Variants in VCAM1 observed in about 807,000 individuals in gnomAD.
VCAM1 encodes the protein vascular cell adhesion protein 1.
VCAM1 carries 41 observed loss-of-function variants against 63.8 expected under a neutral mutation model. The observed-to-expected ratio is 0.64, with a 90% confidence interval of 0.50 to 0.83. The LOEUF (loss-of-function observed/expected upper bound fraction) is 0.83, where lower values mean the gene tolerates loss of function less well. Ranked by LOEUF, VCAM1 falls within the 40% of genes least tolerant of loss-of-function variation. The probability of loss-of-function intolerance (pLI) is 0.00; values close to 1 mark genes in which losing one functional copy is unlikely to be tolerated. For synonymous variants in VCAM1, 338 were observed against 320.7 expected (o/e 1.05, Z -0.58); for missense variants, 798 against 875.5 (o/e 0.91, Z 1.12).
At position 100,734,516 on chromosome 1, in the gene VCAM1, A is replaced by G; in HGVS notation, c.1807A>G (p.Ile603Val). 4 of 1,612,892 alleles carry G rather than the reference A, an allele frequency of 2.5e-6. No individual in the cohort carries two copies. Among genetic ancestry groups the G allele is most frequent in the Middle Eastern group, 1.7e-4 (1 of 6,052 alleles). ...ELIIQVTPKDIKLTAFPSESV... is the reference protein window; with the variant it reads ...ELIIQVTPKDVKLTAFPSESV... ...TCTCTTTACAGTTACTCCAAAAGAC[A>G]TAAAACTTACAGCTTTTCCTTCTGA... Residue 603 changes from isoleucine to valine, a missense_variant, in exon 8 of 9, where the codon ATA becomes GTA. Coordinates refer to ENST00000294728, the MANE Select transcript of VCAM1 (RefSeq NM_001078.4).
chr1:100,736,358 C>G (rs1660649382), intron 8 of VCAM1: 1 of 152,144 alleles, frequency 6.6e-6, no homozygotes, highest in Non-Finnish European at 1.5e-5. Flanking sequence ...GTATTTTGAA[C>G]TAGATTTCTT....
In VCAM1 at chr1:100,732,408, G is replaced by A. The variant is rs769685191; in HGVS notation, c.1526-10G>A. 6.5e-7 allele frequency: 1 copy of A among 1,540,886 alleles called. No individual in the cohort carries two copies. The highest frequency in any genetic ancestry group is 8.7e-7 in the Non-Finnish European group (1 of 1,146,836). On this transcript the variant is annotated splice_polypyrimidine_tract_variant and intron_variant, in intron 6 of 8. Transcript: ENST00000294728. Reference sequence around the variant, plus strand: ...ATAGGTCAAGCTAACAAGCGTCTCTGCCTTTTCAGTTGCCCCCAGAGATAC... The same window carrying A: ...ATAGGTCAAGCTAACAAGCGTCTCTACCTTTTCAGTTGCCCCCAGAGATAC...
rs760443041 is a variant in VCAM1, at chr1:100,731,452, T to C, written c.1459T>C (p.Leu487=). The change falls in exon 6 of 9, where the codon TTA becomes CTA. Residue 487 remains leucine (L), a synonymous_variant. Transcript: ENST00000294728. This position sits in a 1 kb window ranked among gnomAD's most constrained non-coding sequence, Gnocchi z 4.2. Reference sequence around the variant, plus strand: ...AAAAGCTCTTGTTTGTCAGGCTAAGTTACATATTGATGACATGGAATTCGA... The same window carrying C: ...AAAAGCTCTTGTTTGTCAGGCTAAGCTACATATTGATGACATGGAATTCGA... ...TGKALVCQAK[L]HIDDMEFEPK... is the part of the protein sequence containing the mutation. 21 of 1,613,722 alleles carry C rather than the reference T, an allele frequency of 1.3e-5. No homozygotes were observed. The South Asian group carries it at 2.3e-4, about 18-fold the overall frequency.
At chr1:100,727,550 A>G (rs1426058464) in intron 4 of VCAM1, among the ~76,000 whole-genome samples, 1 of 152,032 alleles carries the variant, frequency 6.6e-6, no homozygotes, top group Non-Finnish European at 1.5e-5. Context: ...GGCTGGGGAG[A>G]GTTGTTTTGC....
rs3783609 is a variant in VCAM1, at chr1:100,719,807, G to A, written c.-54G>A. On this transcript the variant is annotated 5_prime_UTR_variant, in exon 1 of 9. Coordinates refer to ENST00000294728, the MANE Select transcript of VCAM1 (RefSeq NM_001078.4). ...TACCCTCCCAGGCACACACAGGTGG[G>A]ACACAAATAAGGGTTTTGGAACCAC... 7,419 of 1,587,332 alleles carry A rather than the reference G, an allele frequency of 4.7e-3. 298 individuals are homozygous for A. The African/African-American group carries it at 0.091, about 19-fold the overall frequency.
Position 100,719,942 on chromosome 1 carries a change from A to C in VCAM1, c.64+18A>C. On this transcript the variant is annotated intron_variant, in intron 1 of 8. Transcript: ENST00000294728. ...TGCAGCTTGTAAGTTATTTCCCTTCATCTGTTTCAAATGTTAGCATTCAAT... is the reference window on the plus strand; with the variant it reads ...TGCAGCTTGTAAGTTATTTCCCTTCCTCTGTTTCAAATGTTAGCATTCAAT... 1.2e-6 allele frequency: 2 copies of C among 1,605,310 alleles called. No individual in the cohort carries two copies. Among genetic ancestry groups the C allele is most frequent in the Middle Eastern group, 1.7e-4 (1 of 6,012 alleles).
chr1:100,732,338 C>T, intron 6 of VCAM1, 80 bp from the exon 7 acceptor site: 1 of 1,406,084 alleles, frequency 7.1e-7, no homozygotes, highest in Non-Finnish European at 9.5e-7. Context: ...GAATCCATAG[C>T]CCAGTTTTGC....
intron 1 of VCAM1, 139 bp downstream of exon 1, chr1:100,720,063 T>C: frequency 1.1e-6 from 1 of 891,048 alleles, no homozygotes; most frequent in Non-Finnish European, 1.7e-6. Context: ...TAGTCTAACT[T>C]TTAATATGCA....
In VCAM1 at chr1:100,731,450, A is replaced by C. The variant is rs1660452448; in HGVS notation, c.1457A>C (p.Lys486Thr). 6.2e-7 allele frequency: 1 copy of C among 1,613,650 alleles called. No individual in the cohort carries two copies. The highest frequency in any genetic ancestry group is 1.7e-5 in the Admixed American group (1 of 59,926). The change falls in exon 6 of 9, where the codon AAG (lysine) becomes ACG (threonine). Residue 486 changes from lysine (K) to threonine (T), a missense_variant. By Grantham distance (78) the Lys-to-Thr change is moderately conservative (BLOSUM62 -1). Transcript: ENST00000294728. This position sits in a 1 kb window ranked among gnomAD's most constrained non-coding sequence, Gnocchi z 4.2. ...GGAAAAGCTCTTGTTTGTCAGGCTAAGTTACATATTGATGACATGGAATTC... is the reference window on the plus strand; with the variant it reads ...GGAAAAGCTCTTGTTTGTCAGGCTACGTTACATATTGATGACATGGAATTC... ...DTGKALVCQAKLHIDDMEFEP... is the reference protein window; with the variant it reads ...DTGKALVCQATLHIDDMEFEP...
intron 7 of VCAM1, among the ~76,000 whole-genome samples, chr1:100,733,524 A>T (rs963236461): frequency 6.6e-6 from 1 of 152,172 alleles, no homozygotes; most frequent in Non-Finnish European, 1.5e-5. Flanking sequence ...CAAACAAAAA[A>T]ACCTTTTGGA....
chr1:100,731,329 A>G lies in VCAM1; in HGVS notation c.1336A>G (p.Ile446Val), dbSNP rs1014717309. ...LEIELLKGET[I>V]LENIEFLEDT... The stretch of plus-strand genomic sequence containing the variant: ...GATTGAATTACTTAAGGGGGAGACT[A>G]TTCTGGAGAATATAGAGTTTTTGGA... Residue 446 changes from isoleucine (I) to valine (V), a missense_variant, in exon 6 of 9, where the codon ATT becomes GTT. By Grantham distance (29) the Ile-to-Val change is conservative. Coordinates refer to ENST00000294728, the MANE Select transcript of VCAM1 (RefSeq NM_001078.4). This position sits in a 1 kb window ranked among gnomAD's most constrained non-coding sequence, Gnocchi z 4.2. 1.2e-6 allele frequency: 2 copies of G among 1,613,838 alleles called. No homozygotes were observed. The highest frequency in any genetic ancestry group is 1.7e-6 in the Non-Finnish European group (2 of 1,179,860).
rs1660581035 is a variant in VCAM1 at position 100,734,499 on chromosome 1, C to T, written c.1793-3C>T. 1 of 1,608,368 alleles carries T rather than the reference C, an allele frequency of 6.2e-7. No homozygotes were observed. Among genetic ancestry groups the T allele is most frequent in the Non-Finnish European group, 8.5e-7 (1 of 1,177,978 alleles). On this transcript the variant is annotated splice_polypyrimidine_tract_variant and splice_region_variant and intron_variant, in intron 7 of 8. Coordinates refer to ENST00000294728, the MANE Select transcript of VCAM1 (RefSeq NM_001078.4). ...AGGGATGTCTTTTAAATTCTCTTTA[C>T]AGTTACTCCAAAAGACATAAAACTT...
At chr1:100,736,330 A>C (rs967706703) in intron 8 of VCAM1, 2 of 152,198 alleles carry the variant, frequency 1.3e-5, no homozygotes, top group African/African-American at 4.8e-5. Context: ...GAAGACCAAA[A>C]AATGGATATT....
rs778901841 is a variant in VCAM1, at chr1:100,731,225, T to G, written c.1232T>G (p.Met411Arg). 6.2e-7 allele frequency: 1 copy of G among 1,607,758 alleles called. No individual in the cohort carries two copies. The highest frequency in any genetic ancestry group is 8.5e-7 in the Non-Finnish European group (1 of 1,177,274). The change falls in exon 6 of 9, where the codon ATG (methionine) becomes AGG (arginine). Residue 411 changes from methionine to arginine, a missense_variant. Physicochemically the swap from Met to Arg is moderately conservative, Grantham distance 91. Transcript: ENST00000294728. The surrounding 1 kb of genome is among the most constrained non-coding windows in gnomAD (Gnocchi z 4.2). Reference protein sequence around the residue: ...YSFPRDPEIEMSGGLVNGSSV... With the variant: ...YSFPRDPEIERSGGLVNGSSV... ...TTCCCTAGAGATCCAGAAATCGAGA[T>G]GAGTGGTGGCCTCGTGAATGGGAGC...
intron 4 of VCAM1, among the ~76,000 whole-genome samples, chr1:100,725,999 C>G (rs1206687606): frequency 6.6e-6 from 1 of 151,968 alleles, no homozygotes; most frequent in African/African-American, 2.4e-5. Context: ...ATCTAAACAA[C>G]TTACTCTCCT....
In VCAM1 at chr1:100,731,318, A is replaced by AG. The variant is rs1201534979; in HGVS notation, c.1330dup (p.Glu444GlyfsTer32). On this transcript the variant is annotated frameshift_variant, in exon 6 of 9. Coordinates refer to ENST00000294728, the MANE Select transcript of VCAM1 (RefSeq NM_001078.4). LOFTEE classifies it high-confidence loss of function. This position sits in a 1 kb window ranked among gnomAD's most constrained non-coding sequence, Gnocchi z 4.2. ...GACCGGCTGGAGATTGAATTACTTA[A>AG]GGGGGAGACTATTCTGGAGAATATA... The AG allele has an allele frequency of 2.5e-6, 4 of 1,613,702 alleles. No homozygotes were observed. The highest frequency in any genetic ancestry group is 2.5e-6 in the Non-Finnish European group (3 of 1,179,842).
chr1:100,733,194 T>C (rs1660524330), intron 7 of VCAM1, among the ~76,000 whole-genome samples: 1 of 152,176 alleles, frequency 6.6e-6, no homozygotes. Flanking sequence ...AGCACTAAAG[T>C]AGATTAAGTC....
intron 1 of VCAM1, 87 bp from the exon 2 acceptor site, chr1:100,720,389 A>G: frequency 1.3e-6 from 2 of 1,483,356 alleles, no homozygotes; most frequent in East Asian, 4.6e-5. Context: ...CAGTCTGATC[A>G]TATTTTAGAC....
chr1:100,735,917 G>A (rs1660632025), intron 8 of VCAM1: 2 of 152,114 alleles, frequency 1.3e-5, no homozygotes, highest in African/African-American at 2.4e-5. Context: ...ATGATTCAGG[G>A]GTATATGTAA....
Sources: gnomAD v4.1 joint callset for allele counts (sites outside exome capture counted in the v4.1 genomes callset) on GRCh38, gnomAD v4.1.1 for gene constraint, Gnocchi (gnomAD v3.1) non-coding constraint, MANE v1.5 for transcripts, NCBI Gene and HGNC (gene_info 2026-07-23, HGNC 2026-07-21) for gene names.